Variants in AFDN observed in about 807,000 individuals in gnomAD.
The protein encoded by AFDN is afadin.
A neutral mutation model predicts 216.6 loss-of-function variants in AFDN; 68 were observed. That is an observed-to-expected ratio of 0.31 (90% CI 0.26 to 0.38). AFDN has a LOEUF of 0.38. Ranked by LOEUF, AFDN falls within the 10% of genes least tolerant of loss-of-function variation. AFDN has a pLI of 1.00. For missense variants in AFDN, 2,136 were observed against 2,342.0 expected (o/e 0.91, Z 1.82); for synonymous variants, 868 against 853.7 (o/e 1.02, Z -0.29).
At chr6:167,856,456 A>G (rs935047569) in intron 1 of AFDN, among the ~76,000 whole-genome samples, 9 of 152,228 alleles carry the variant, frequency 5.9e-5, no homozygotes, top group African/African-American at 1.7e-4. Flanking sequence ...TAGAAAAGTG[A>G]AGTATAATTC....
intron 33 of AFDN, 81 bp downstream of exon 33, chr6:167,969,279 T>G (rs1258271589): frequency 3.8e-6 from 4 of 1,054,270 alleles, no homozygotes; most frequent in Middle Eastern, 2.0e-4. Context: ...TGAGATTATG[T>G]AAACAGACTT....
Position 167,946,814 on chromosome 6 carries a change from G to C in AFDN, c.3466G>C (p.Ala1156Pro). 2 of 1,613,250 alleles carry C rather than the reference G, an allele frequency of 1.2e-6. No individual in the cohort carries two copies. The highest frequency in any genetic ancestry group is 1.7e-6 in the Non-Finnish European group (2 of 1,179,810). ...TCCTGAGAGTCCTCAGCTGCCTTGG[G>C]CAGAATATAGTGAACCAAAGAAATT... ...GSPESPQLPW[A>P]EYSEPKKLPG... The change falls in exon 27 of 34, where the codon GCA becomes CCA. Residue 1156 changes from alanine to proline, a missense_variant. Transcript: ENST00000683244.
intron 1 of AFDN, among the ~76,000 whole-genome samples, chr6:167,828,285 C>T (rs1020441559): frequency 3.3e-5 from 5 of 152,212 alleles, no homozygotes; most frequent in African/African-American, 1.2e-4. Flanking sequence ...TTTGAACATT[C>T]TTACGAAATG....
chr6:167,835,823 G>A (rs1889889), intron 1 of AFDN, among the ~76,000 whole-genome samples: 11,693 of 152,168 alleles, frequency 0.077, 569 homozygotes, highest in Admixed American at 0.15. Flanking sequence ...GAACCTTGGG[G>A]GTTCATGGAC....
rs756122883 is a variant in AFDN at position 167,951,790 on chromosome 6, G to C, written c.4436G>C (p.Arg1479Pro). 2 of 1,614,108 alleles carry C rather than the reference G, an allele frequency of 1.2e-6. No individual in the cohort carries two copies. The highest frequency in any genetic ancestry group is 1.7e-6 in the Non-Finnish European group (2 of 1,180,032). ...CCCGAAAAGCCTTCCACACTCCAGC[G>C]GCCACAGGAAACAGTCATTCGGGAG... ...MKPEKPSTLQ[R>P]PQETVIRELQ... is the part of the protein sequence containing the mutation. The change falls in exon 30 of 34, where the codon CGG becomes CCG. Residue 1479 changes from arginine to proline, a missense_variant. By Grantham distance (103) the Arg-to-Pro change is moderately radical. Coordinates refer to ENST00000683244, the MANE Select transcript of AFDN (RefSeq NM_001386888.1). This position sits in a 1 kb window ranked among gnomAD's most constrained non-coding sequence, Gnocchi z 7.1.
At chr6:167,836,595 A>G (rs1780466888) in intron 1 of AFDN, among the ~76,000 whole-genome samples, 2 of 152,216 alleles carry the variant, frequency 1.3e-5, no homozygotes, top group Admixed American at 6.5e-5. Flanking sequence ...TAAGATTAGC[A>G]TCACTTAAGA....
At chr6:167,963,500 C>A in intron 31 of AFDN, 1 of 1,054,046 alleles carries the variant, frequency 9.5e-7, no homozygotes, top group Non-Finnish European at 1.1e-6. Context: ...CAGAAAAGAA[C>A]TTGTAGGGAG....
intron 30 of AFDN, among the ~76,000 whole-genome samples, chr6:167,958,684 C>G (rs1562342864): frequency 6.6e-6 from 1 of 152,256 alleles, no homozygotes; most frequent in Non-Finnish European, 1.5e-5. Flanking sequence ...GTCTTCCCTC[C>G]TCTTCCGCTT....
chr6:167,857,214 G>A (rs144582807), intron 1 of AFDN, among the ~76,000 whole-genome samples: 6 of 145,260 alleles, frequency 4.1e-5, no homozygotes, highest in South Asian at 2.2e-4. Flanking sequence ...AAGAGAGAGC[G>A]AGAGATAGGA....
At chr6:167,923,981 A>C (rs1792166190) in intron 22 of AFDN, among the ~76,000 whole-genome samples, 1 of 152,188 alleles carries the variant, frequency 6.6e-6, no homozygotes, top group East Asian at 1.9e-4. Flanking sequence ...AAATAACAGC[A>C]GCAACTTCTG....
At position 167,937,665 on chromosome 6, in the gene AFDN, A is replaced by G. The variant is rs541842241; in HGVS notation, c.3100-5464A>G. ...TAGAATTCAGATAAATTCTGAATAT[A>G]TAAGAAAATAGAATGTGTCTTATTT... On this transcript the variant is annotated intron_variant, in intron 23 of 33. Coordinates refer to ENST00000683244, the MANE Select transcript of AFDN (RefSeq NM_001386888.1). 5.9e-5 allele frequency among the ~76,000 whole-genome samples: 9 copies of G among 152,396 alleles called. No individual in the cohort carries two copies. The East Asian group carries it at 1.7e-3, about 29-fold the overall frequency.
chr6:167,854,823 C>T (rs1052136228), intron 1 of AFDN, among the ~76,000 whole-genome samples: 1 of 150,046 alleles, frequency 6.7e-6, no homozygotes, highest in Non-Finnish European at 1.5e-5. Flanking sequence ...TCTTCTTTTC[C>T]TGGATTGCTC....
intron 1 of AFDN, among the ~76,000 whole-genome samples, chr6:167,831,089 G>A (rs1256095782): frequency 1.3e-5 from 2 of 151,964 alleles, no homozygotes; most frequent in Non-Finnish European, 2.9e-5. Context: ...TTACAAGCAT[G>A]TGCCACAACA....
intron 1 of AFDN, among the ~76,000 whole-genome samples, chr6:167,846,182 AGC>A (rs1781653706): frequency 6.6e-6 from 1 of 152,050 alleles, no homozygotes; most frequent in South Asian, 2.1e-4. Flanking sequence ...TCTAGTAGGT[AGC>A]AGTTTATCAG....
intron 16 of AFDN, 39 bp downstream of exon 16, chr6:167,913,462 T>G: frequency 6.5e-7 from 1 of 1,530,872 alleles, no homozygotes. Context: ...GCTGTGTTGC[T>G]TAGCCAAGTT....
chr6:167,942,544 AT>A (rs1325431767), intron 23 of AFDN, among the ~76,000 whole-genome samples: 1 of 152,208 alleles, frequency 6.6e-6, no homozygotes, highest in Non-Finnish European at 1.5e-5. Context: ...AAACAATTAT[AT>A]ATAGAACTTA....
At chr6:167,943,377 T>G in intron 24 of AFDN, 25 bp from the exon 25 acceptor site, 1 of 1,607,832 alleles carries the variant, frequency 6.2e-7, no homozygotes, top group Non-Finnish European at 8.5e-7. Context: ...CCCTAATCCA[T>G]GCACACACCT....
chr6:167,943,389 TG>T lies in AFDN; in HGVS notation c.3166-11del. Reference sequence around the variant, plus strand: ...TACCCCTAATCCATGCACACACCTGTGGATTTGCCTAGGATGGACGTCTAGC... The same window carrying T: ...TACCCCTAATCCATGCACACACCTGTGATTTGCCTAGGATGGACGTCTAGC... On this transcript the variant is annotated splice_polypyrimidine_tract_variant and intron_variant, in intron 24 of 33. Transcript: ENST00000683244. 1 of 1,613,566 alleles carries T rather than the reference TG, an allele frequency of 6.2e-7. No individual in the cohort carries two copies. The highest frequency in any genetic ancestry group is 1.1e-5 in the South Asian group (1 of 91,070).
chr6:167,880,245 A>G (rs2301532), intron 5 of AFDN, 115 bp from the exon 6 acceptor site: 339,410 of 890,664 alleles, frequency 0.38, 67,515 homozygotes, highest in East Asian at 0.61. Flanking sequence ...GATTGTCTTT[A>G]CACTCATTTT....
Sources: allele counts gnomAD v4.1 joint callset (sites outside exome capture counted in the v4.1 genomes callset), GRCh38; gene constraint gnomAD v4.1.1; non-coding constraint Gnocchi (gnomAD v3.1); transcripts MANE v1.5; gene names NCBI Gene and HGNC (gene_info 2026-07-23, HGNC 2026-07-21).